The following PLPPR1 variants were observed in gnomAD, a reference collection of about 807,000 sequenced individuals.
PLPPR1 encodes the protein phospholipid phosphatase related 1.
A neutral mutation model predicts 33.1 loss-of-function variants in PLPPR1; 10 were observed. The ratio of observed to expected loss-of-function variants is 0.30; its 90% confidence interval spans 0.19 to 0.51. The LOEUF (loss-of-function observed/expected upper bound fraction) is 0.51, where lower values mean the gene tolerates loss of function less well. PLPPR1 is among the 20% of genes least tolerant of loss of function. PLPPR1 has a pLI of 0.97. For missense variants in PLPPR1, 304 were observed against 408.1 expected (o/e 0.74, Z 2.20); for synonymous variants, 151 against 151.0 (o/e 1.00, Z 0.00).
chr9:101,279,622 C>A (rs191738344), intron 3 of PLPPR1, among the ~76,000 whole-genome samples: 1 of 152,106 alleles, frequency 6.6e-6, no homozygotes, highest in Non-Finnish European at 1.5e-5. Flanking sequence ...CAAGTATATT[C>A]TCTGACCACA....
chr9:101,235,861 T>G (rs1827289267), intron 2 of PLPPR1, among the ~76,000 whole-genome samples: 1 of 151,850 alleles, frequency 6.6e-6, no homozygotes, highest in Non-Finnish European at 1.5e-5. Context: ...AATTAGTCTT[T>G]GCTAAAGCAG....
At chr9:101,293,468 A>G (rs1208411248) in intron 4 of PLPPR1, among the ~76,000 whole-genome samples, 2 of 152,110 alleles carry the variant, frequency 1.3e-5, no homozygotes, top group Non-Finnish European at 2.9e-5. Flanking sequence ...AGACATCTAC[A>G]GAACTCTCCA....
In PLPPR1 at chr9:101,309,468, G is replaced by A; in HGVS notation, c.636+7G>A. The A allele has an allele frequency of 1.9e-6, 3 of 1,612,812 alleles. No homozygotes were observed. The South Asian group carries it at 3.3e-5, about 18-fold the overall frequency. Reference sequence around the variant, plus strand: ...CTCCGCCTTATATGCCACGGTGAGTGTGCAAGTCTTGTCTCTCCTAAGTCC... The same window carrying A: ...CTCCGCCTTATATGCCACGGTGAGTATGCAAGTCTTGTCTCTCCTAAGTCC... On this transcript the variant is annotated splice_region_variant and intron_variant, in intron 5 of 7. Coordinates refer to ENST00000374874, the MANE Select transcript of PLPPR1 (RefSeq NM_207299.2).
At chr9:101,229,181 ATAT>A (rs1458944306) in intron 2 of PLPPR1, among the ~76,000 whole-genome samples, 2 of 152,168 alleles carry the variant, frequency 1.3e-5, no homozygotes, top group African/African-American at 2.4e-5. Context: ...GTGTAATTGT[ATAT>A]TGAAATGGCA....
intron 2 of PLPPR1, among the ~76,000 whole-genome samples, chr9:101,214,588 C>A (rs959852257): frequency 6.6e-6 from 1 of 152,154 alleles, no homozygotes; most frequent in Non-Finnish European, 1.5e-5. Context: ...ACATTTTGCT[C>A]AATTGAGAAA....
chr9:101,195,814 G>A (rs549827888), intron 2 of PLPPR1, among the ~76,000 whole-genome samples: 6 of 152,278 alleles, frequency 3.9e-5, no homozygotes, highest in African/African-American at 1.4e-4. Flanking sequence ...CTGAGAATTA[G>A]CATTACAGTA....
chr9:101,138,513 G>T (rs1214879426), intron 1 of PLPPR1, among the ~76,000 whole-genome samples: 1 of 152,190 alleles, frequency 6.6e-6, no homozygotes, highest in East Asian at 1.9e-4. Flanking sequence ...TCACAGAGAT[G>T]CAGGATAGAT....
At chr9:101,213,799 A>C (rs910372962) in intron 2 of PLPPR1, among the ~76,000 whole-genome samples, 5 of 152,248 alleles carry the variant, frequency 3.3e-5, no homozygotes, top group African/African-American at 1.2e-4. Flanking sequence ...ACTTAGTTTA[A>C]TCATAAGCCC....
Position 101,089,334 on chromosome 9 carries a change from A to T in PLPPR1, c.-46+60232A>T, listed in dbSNP as rs569270773. On this transcript the variant is annotated intron_variant, in intron 1 of 7. Coordinates refer to ENST00000374874, the MANE Select transcript of PLPPR1 (RefSeq NM_207299.2). ...ATAGATAGATAGATAGATAGATAGTAGTTAATTGTTGTTAACCAAACACAT... is the reference window on the plus strand; with the variant it reads ...ATAGATAGATAGATAGATAGATAGTTGTTAATTGTTGTTAACCAAACACAT... 3.6e-4 allele frequency among the ~76,000 whole-genome samples: 54 copies of T among 149,582 alleles called. 1 individual carries two copies. In the South Asian group the frequency reaches 0.011, roughly 31 times the overall value.
chr9:101,071,147 C>T (rs1830478329), intron 1 of PLPPR1, among the ~76,000 whole-genome samples: 1 of 151,958 alleles, frequency 6.6e-6, no homozygotes, highest in Non-Finnish European at 1.5e-5. Context: ...TGTCAGCCTG[C>T]CCTAAGAGAG....
intron 4 of PLPPR1, among the ~76,000 whole-genome samples, chr9:101,294,432 A>T (rs1828581109): frequency 6.6e-6 from 1 of 152,120 alleles, no homozygotes; most frequent in African/African-American, 2.4e-5. Context: ...AAAAGAGGGA[A>T]TCCTCCCTAA....
intron 2 of PLPPR1, among the ~76,000 whole-genome samples, chr9:101,230,035 G>A (rs1827148633): frequency 6.6e-6 from 1 of 152,062 alleles, no homozygotes; most frequent in African/African-American, 2.4e-5. Context: ...CACTGTCAGA[G>A]ATCATTACAG....
chr9:101,250,034 C>T (rs1316907649), intron 2 of PLPPR1, among the ~76,000 whole-genome samples: 1 of 152,052 alleles, frequency 6.6e-6, no homozygotes, highest in African/African-American at 2.4e-5. Context: ...TAGATTGCCA[C>T]AATTTAGGAA....
At chr9:101,265,814 G>T (rs1162202628) in intron 2 of PLPPR1, among the ~76,000 whole-genome samples, 1 of 151,576 alleles carries the variant, frequency 6.6e-6, no homozygotes, top group Non-Finnish European at 1.5e-5. Context: ...GGCCAACATA[G>T]TGAAACCCCG....
At chr9:101,056,233 T>C (rs1830276605) in intron 1 of PLPPR1, among the ~76,000 whole-genome samples, 1 of 152,204 alleles carries the variant, frequency 6.6e-6, no homozygotes, top group South Asian at 2.1e-4. Flanking sequence ...TTTGCACATC[T>C]GTGACAGATG....
At chr9:101,056,070 G>C (rs1830274851) in intron 1 of PLPPR1, among the ~76,000 whole-genome samples, 1 of 152,128 alleles carries the variant, frequency 6.6e-6, no homozygotes, top group Non-Finnish European at 1.5e-5. Flanking sequence ...TGCTTTACGG[G>C]CATTATTTTA....
intron 1 of PLPPR1, among the ~76,000 whole-genome samples, chr9:101,043,443 GC>G (rs1290861470): frequency 6.7e-6 from 1 of 150,090 alleles, no homozygotes; most frequent in African/African-American, 2.5e-5. Context: ...ATATGTATAT[GC>G]ATACACATAT....
intron 1 of PLPPR1, among the ~76,000 whole-genome samples, chr9:101,180,435 A>G (rs1178829082): frequency 6.6e-6 from 1 of 151,678 alleles, no homozygotes; most frequent in Non-Finnish European, 1.5e-5. Context: ...CAGTCAAAGG[A>G]ATAGAGAAAA....
At chr9:101,110,561 T>G (rs1304205358) in intron 1 of PLPPR1, among the ~76,000 whole-genome samples, 2 of 152,188 alleles carry the variant, frequency 1.3e-5, no homozygotes, top group Non-Finnish European at 2.9e-5. Context: ...TTGTGGACTG[T>G]TTTTATGAGC....
Sources: allele counts gnomAD v4.1 joint callset (sites outside exome capture counted in the v4.1 genomes callset), GRCh38; gene constraint gnomAD v4.1.1; transcripts MANE v1.5; gene names NCBI Gene and HGNC (gene_info 2026-07-23, HGNC 2026-07-21).